The following ERC1 variants were observed in gnomAD, a reference collection of about 807,000 sequenced individuals.
ERC1 encodes the protein RAB6 interacting protein 2.
In ERC1, 56 loss-of-function variants were observed where a neutral mutation model predicts 132.0. That is an observed-to-expected ratio of 0.42 (90% CI 0.34 to 0.53). The LOEUF (loss-of-function observed/expected upper bound fraction) is 0.53. Among genes scored for constraint, ERC1 ranks in the 20% least tolerant of loss-of-function variants. The probability of loss-of-function intolerance (pLI) is 0.03; values close to 1 mark genes in which losing one functional copy is unlikely to be tolerated. For missense variants in ERC1, 1,202 were observed against 1,349.9 expected (o/e 0.89, Z 1.72); for synonymous variants, 478 against 476.1 (o/e 1.00, Z -0.05).
At position 1,480,409 on chromosome 12, in the gene ERC1, G is replaced by A. The variant is rs1201875985; in HGVS notation, c.3214-9684G>A. Among the ~76,000 whole-genome samples the A allele has an allele frequency of 2.6e-5, 4 of 152,162 alleles. No individual in the cohort carries two copies. In the South Asian group the frequency reaches 8.3e-4, roughly 32 times the overall value. ...AACTTCAGTGCTGCCCGTAATTATGGTGTTTCTAAGAAAGTAACCAAGAAG... is the reference window on the plus strand; with the variant it reads ...AACTTCAGTGCTGCCCGTAATTATGATGTTTCTAAGAAAGTAACCAAGAAG... On this transcript the variant is annotated intron_variant, in intron 18 of 18. Coordinates refer to ENST00000360905, the MANE Select transcript of ERC1 (RefSeq NM_178040.4).
At chr12:1,119,106 T>C (rs2154213533) in intron 7 of ERC1, among the ~76,000 whole-genome samples, 1 of 152,298 alleles carries the variant, frequency 6.6e-6, no homozygotes, top group East Asian at 1.9e-4. Flanking sequence ...CTGGGACTCC[T>C]GAGCTCAAGC....
At chr12:1,071,064 GT>G (rs1181472633) in intron 2 of ERC1, among the ~76,000 whole-genome samples, 4 of 152,186 alleles carry the variant, frequency 2.6e-5, no homozygotes, top group Non-Finnish European at 5.9e-5. Flanking sequence ...ACACTCCATT[GT>G]GTGAATGTGG....
chr12:1,148,506 C>T (rs76101994), intron 8 of ERC1, among the ~76,000 whole-genome samples: 1 of 152,168 alleles, frequency 6.6e-6, no homozygotes, highest in South Asian at 2.1e-4. Context: ...CCCAGTAATT[C>T]ATCATGTTAC....
intron 13 of ERC1, among the ~76,000 whole-genome samples, chr12:1,255,734 G>A (rs1387503245): frequency 2.8e-5 from 4 of 143,580 alleles, no homozygotes; most frequent in Admixed American, 7.3e-5. Context: ...CCGGGTTCAC[G>A]CCATTCTCCT....
intron 2 of ERC1, among the ~76,000 whole-genome samples, chr12:1,065,615 C>A (rs1276030386): frequency 2.0e-5 from 3 of 148,106 alleles, no homozygotes; most frequent in African/African-American, 7.5e-5. Context: ...GGACGGATTT[C>A]TTCCTAGAGA....
chr12:1,479,855 G>A (rs867714332), intron 18 of ERC1, among the ~76,000 whole-genome samples: 7 of 152,250 alleles, frequency 4.6e-5, no homozygotes, highest in Middle Eastern at 3.4e-3. Context: ...GGGTGCCCAC[G>A]TAGTCAACAG....
chr12:990,226 C>G (rs187043712), upstream of ERC1: 1 of 151,960 alleles, frequency 6.6e-6, no homozygotes, highest in East Asian at 1.9e-4. Flanking sequence ...TCAAGGACAC[C>G]GAAAATTATT....
chr12:1,356,627 T>A (rs1346376555), intron 15 of ERC1, among the ~76,000 whole-genome samples: 2 of 152,252 alleles, frequency 1.3e-5, no homozygotes, highest in African/African-American at 2.4e-5. Flanking sequence ...CCCATCTTTT[T>A]ATGTCTACTT....
At chr12:1,395,965 A>T (rs1201460721) in intron 16 of ERC1, among the ~76,000 whole-genome samples, 1 of 152,058 alleles carries the variant, frequency 6.6e-6, no homozygotes, top group Non-Finnish European at 1.5e-5. Flanking sequence ...CCTAAAGTAA[A>T]TAAGTGAATA....
At chr12:1,407,286 T>C (rs2091558351) in intron 16 of ERC1, among the ~76,000 whole-genome samples, 1 of 152,048 alleles carries the variant, frequency 6.6e-6, no homozygotes, top group Admixed American at 6.5e-5. Flanking sequence ...TTTATATATA[T>C]ATATATGAGA....
intron 7 of ERC1, among the ~76,000 whole-genome samples, chr12:1,116,388 A>G (rs184091675): frequency 6.6e-6 from 1 of 152,288 alleles, no homozygotes; most frequent in East Asian, 1.9e-4. Flanking sequence ...CATGAATGAC[A>G]ATGAGCTTGG....
chr12:1,419,549 A>G (rs943609403), intron 17 of ERC1, among the ~76,000 whole-genome samples: 1 of 150,652 alleles, frequency 6.6e-6, no homozygotes, highest in African/African-American at 2.4e-5. Context: ...CAAAATTTCT[A>G]CATTTAAATT....
chr12:1,350,146 A>T (rs538190531), intron 15 of ERC1, among the ~76,000 whole-genome samples: 1 of 152,282 alleles, frequency 6.6e-6, no homozygotes, highest in East Asian at 1.9e-4. Context: ...ACAGAAAACA[A>T]TGGAGATAAG....
intron 18 of ERC1, among the ~76,000 whole-genome samples, chr12:1,470,128 A>T (rs537531562): frequency 1.3e-5 from 2 of 152,100 alleles, no homozygotes; most frequent in East Asian, 1.9e-4. Context: ...ACTAAAAAAA[A>T]AAAAAATCCA....
At chr12:1,450,233 T>C (rs748441675) in intron 18 of ERC1, among the ~76,000 whole-genome samples, 1 of 152,232 alleles carries the variant, frequency 6.6e-6, no homozygotes, top group African/African-American at 2.4e-5. Context: ...TTCAGTGTTA[T>C]ATTCATAACG....
At chr12:1,012,644 C>T (rs753951962) in intron 1 of ERC1, among the ~76,000 whole-genome samples, 11 of 151,782 alleles carry the variant, frequency 7.2e-5, no homozygotes, top group East Asian at 1.9e-4. Flanking sequence ...TTAGTAGAGA[C>T]GGGGTTTCAC....
intron 15 of ERC1, among the ~76,000 whole-genome samples, chr12:1,303,377 C>T (rs1206402974): frequency 1.3e-5 from 2 of 152,222 alleles, no homozygotes; most frequent in East Asian, 3.9e-4. Context: ...TGGCTCACGC[C>T]TGTAATCCCA....
chr12:1,297,198 T>TAAAAAAAAAAA (rs35473192), intron 15 of ERC1, among the ~76,000 whole-genome samples: 1 of 130,342 alleles, frequency 7.7e-6, no homozygotes, highest in Non-Finnish European at 1.7e-5. Context: ...TTCAGGGTAC[T>TAAAAAAAAAAA]AAAAAAAAAA....
rs1228633180 is a variant in ERC1 at position 1,418,615 on chromosome 12, CTTTCTTTCTTTCTTTCTT to C, written c.3024+10370_3024+10387del. Among the ~76,000 whole-genome samples the C allele has an allele frequency of 7.7e-4, 90 of 116,698 alleles. 2 individuals are homozygous for C. Among genetic ancestry groups the C allele is most frequent in the African/African-American group, 4.1e-3 (81 of 19,992 alleles). The allele number at this position is 116,698 out of a possible 152,430, so 76.6% of individuals were successfully genotyped here. A position where few individuals can be genotyped will look rare whatever the true frequency, so the allele number is the denominator to read the frequency against. On this transcript the variant is annotated intron_variant, in intron 17 of 18. Coordinates refer to ENST00000360905, the MANE Select transcript of ERC1 (RefSeq NM_178040.4). ...TCTTTCTTTCTTTCTTTCTTTCTTT[CTTTCTTTCTTTCTTTCTT>C]TCTTTCTTTCTCTCTCTCTCTCTCT...
Sources: gnomAD v4.1 joint callset for allele counts (sites outside exome capture counted in the v4.1 genomes callset) on GRCh38, gnomAD v4.1.1 for gene constraint, MANE v1.5 for transcripts, NCBI Gene and HGNC (gene_info 2026-07-23, HGNC 2026-07-21) for gene names.